NOS1AP: variants seen among roughly 807,000 people sequenced by gnomAD.
NOS1AP encodes carboxyl-terminal PDZ ligand of neuronal nitric oxide synthase protein.
NOS1AP carries 21 observed loss-of-function variants against 56.2 expected under a neutral mutation model. The observed-to-expected ratio is 0.37, with a 90% confidence interval of 0.26 to 0.54. The LOEUF (loss-of-function observed/expected upper bound fraction) is 0.54. NOS1AP is among the 20% of genes least tolerant of loss of function. The pLI, the probability that NOS1AP is intolerant of heterozygous loss-of-function variation, is 0.84. For missense variants in NOS1AP, 522 were observed against 657.8 expected, an observed-to-expected ratio of 0.79 and a Z score of 2.26; for synonymous variants, 270 against 274.6, an observed-to-expected ratio of 0.98 and a Z score of 0.17.
chr1:162,180,486 C>G (rs193018053), intron 2 of NOS1AP, among the ~76,000 whole-genome samples: 1 of 152,280 alleles, frequency 6.6e-6, no homozygotes, highest in Non-Finnish European at 1.5e-5. Context: ...CCTTGTGATC[C>G]GCCTGCCTCA....
At chr1:162,084,705 G>T (rs1691965795) in intron 1 of NOS1AP, among the ~76,000 whole-genome samples, 1 of 152,012 alleles carries the variant, frequency 6.6e-6, no homozygotes, top group South Asian at 2.1e-4. Flanking sequence ...TTGAGACAGG[G>T]TCTCACCCTG....
Position 162,070,200 on chromosome 1 carries a change from A to G in NOS1AP, c.23A>G (p.Asn8Ser). The change falls in exon 1 of 10, where the codon AAC becomes AGC. Residue 8 changes from asparagine (N) to serine (S), a missense_variant. Coordinates refer to ENST00000361897, the MANE Select transcript of NOS1AP (RefSeq NM_014697.3). Reference sequence around the variant, plus strand: ...ACCATGCCTAGCAAAACCAAGTACAACCTTGTGGACGATGGGCACGACCTG... The same window carrying G: ...ACCATGCCTAGCAAAACCAAGTACAGCCTTGTGGACGATGGGCACGACCTG... MPSKTKY[N>S]LVDDGHDLRI... 1 of 1,613,760 alleles carries G rather than the reference A, an allele frequency of 6.2e-7. No homozygotes were observed. Among genetic ancestry groups the G allele is most frequent in the South Asian group, 1.1e-5 (1 of 91,064 alleles).
chr1:162,079,621 C>G (rs1035519476), intron 1 of NOS1AP, among the ~76,000 whole-genome samples: 1 of 152,104 alleles, frequency 6.6e-6, no homozygotes. Context: ...TCTCATACTT[C>G]GTAGGGTTAA....
chr1:162,191,798 T>A (rs1651655728), intron 2 of NOS1AP, among the ~76,000 whole-genome samples: 1 of 152,182 alleles, frequency 6.6e-6, no homozygotes, highest in African/African-American at 2.4e-5. Flanking sequence ...TAATTTTAAT[T>A]ATGGTAATAA....
chr1:162,081,774 A>ATATTTTTTTTTTTTTTTTTTTTT, intron 1 of NOS1AP, among the ~76,000 whole-genome samples: 16 of 44,038 alleles, frequency 3.6e-4, no homozygotes, highest in African/African-American at 1.1e-3. Context: ...ATATATATAT[A>ATATTTTTTTTTTTTTTTTTTTTT]TTTTTTTTTT....
chr1:162,071,287 T>C (rs1691655053), intron 1 of NOS1AP, among the ~76,000 whole-genome samples: 1 of 152,192 alleles, frequency 6.6e-6, no homozygotes, highest in South Asian at 2.1e-4. Context: ...GAAAACGTTG[T>C]ACTTTGGATG....
Position 162,070,000 on chromosome 1 carries a change from G to T in NOS1AP, c.-178G>T, listed in dbSNP as rs1691625558. ...GCCCGCATCAGCTCAGCCCGCTGCC[G>T]CTCGGCCCTCGGCACCGCTCCGGGT... On this transcript the variant is annotated 5_prime_UTR_variant, in exon 1 of 10. Transcript: ENST00000361897. 2.8e-6 allele frequency: 1 copy of T among 360,386 alleles called. No individual in the cohort carries two copies. The highest frequency in any genetic ancestry group is 5.0e-5 in the Admixed American group (1 of 19,890). The allele number at this position is 360,386 out of a possible 1,614,324, so 22.3% of individuals were successfully genotyped here. A position where few individuals can be genotyped will look rare whatever the true frequency, so the allele number is the denominator to read the frequency against.
intron 1 of NOS1AP, among the ~76,000 whole-genome samples, chr1:162,114,087 T>C (rs1418320426): frequency 1.3e-5 from 2 of 152,202 alleles, no homozygotes; most frequent in African/African-American, 4.8e-5. Context: ...GGTGGCACAG[T>C]GTTTGGATTA....
At chr1:162,218,479 GC>G (rs2101654762) in intron 2 of NOS1AP, among the ~76,000 whole-genome samples, 1 of 152,258 alleles carries the variant, frequency 6.6e-6, no homozygotes, top group East Asian at 1.9e-4. Flanking sequence ...ATGATAATAG[GC>G]ATGACTGTGA....
At chr1:162,108,515 A>T (rs1188648903) in intron 1 of NOS1AP, among the ~76,000 whole-genome samples, 2 of 152,212 alleles carry the variant, frequency 1.3e-5, no homozygotes, top group Non-Finnish European at 2.9e-5. Context: ...CCTTAGGATG[A>T]CCAAACTGGT....
At chr1:162,250,742 A>T (rs1290399241) in intron 2 of NOS1AP, among the ~76,000 whole-genome samples, 1 of 152,170 alleles carries the variant, frequency 6.6e-6, no homozygotes, top group Non-Finnish European at 1.5e-5. Context: ...AAGAACTTAA[A>T]GGTGGCAGAT....
chr1:162,264,402 C>CCTCCTCTCCT (rs576845993), intron 2 of NOS1AP, among the ~76,000 whole-genome samples: 3 of 44,876 alleles, frequency 6.7e-5, no homozygotes, highest in Non-Finnish European at 1.4e-4. Flanking sequence ...TTTGCCCTCT[C>CCTCCTCTCCT]CTCTTCTCTT....
At chr1:162,094,330 T>G (rs528425454) in intron 1 of NOS1AP, among the ~76,000 whole-genome samples, 1 of 152,180 alleles carries the variant, frequency 6.6e-6, no homozygotes, top group African/African-American at 2.4e-5. Context: ...AGACAGCAGA[T>G]GGACTGGTAG....
chr1:162,258,473 A>G (rs1460316647), intron 2 of NOS1AP, among the ~76,000 whole-genome samples: 1 of 152,076 alleles, frequency 6.6e-6, no homozygotes, highest in Non-Finnish European at 1.5e-5. Flanking sequence ...CATGGAATCC[A>G]CCACTACTTC....
chr1:162,366,751 T>C (rs1194522692), intron 9 of NOS1AP, among the ~76,000 whole-genome samples: 1 of 152,184 alleles, frequency 6.6e-6, no homozygotes, highest in Non-Finnish European at 1.5e-5. Context: ...TTCTCTCAAT[T>C]GGTACCTTTT....
At chr1:162,237,117 T>C (rs953447646) in intron 2 of NOS1AP, among the ~76,000 whole-genome samples, 1 of 152,214 alleles carries the variant, frequency 6.6e-6, no homozygotes, top group African/African-American at 2.4e-5. Flanking sequence ...TGACTCTTTC[T>C]TTGTAGCAGG....
intron 3 of NOS1AP, among the ~76,000 whole-genome samples, chr1:162,292,742 T>TA (rs1655321791): frequency 6.6e-6 from 1 of 152,192 alleles, no homozygotes; most frequent in Non-Finnish European, 1.5e-5. Context: ...GTGTATTACA[T>TA]CACAGGGAAA....
intron 1 of NOS1AP, among the ~76,000 whole-genome samples, chr1:162,107,390 C>A (rs1457641220): frequency 6.6e-6 from 1 of 152,188 alleles, no homozygotes; most frequent in Admixed American, 6.5e-5. Context: ...GGCTGGAATG[C>A]TGTGGCATGG....
chr1:162,357,595 A>C (rs756425399), intron 8 of NOS1AP, among the ~76,000 whole-genome samples: 4 of 148,618 alleles, frequency 2.7e-5, no homozygotes, highest in Non-Finnish European at 6.1e-5. Flanking sequence ...CTAGCATCCC[A>C]GTCTCCGTGT....
Sources: gnomAD v4.1 joint callset for allele counts (sites outside exome capture counted in the v4.1 genomes callset) on GRCh38, gnomAD v4.1.1 for gene constraint, MANE v1.5 for transcripts, NCBI Gene and HGNC (gene_info 2026-07-23, HGNC 2026-07-21) for gene names.